The following KRABD5 variants were observed in gnomAD, a reference collection of about 807,000 sequenced individuals.
The protein encoded by KRABD5 is KRAB domain-containing protein 5.
At chr16:31,718,610 C>G in the KRABD5 span, among the ~76,000 whole-genome samples, 3 of 152,184 alleles carry the variant, frequency 2.0e-5, no homozygotes, top group Non-Finnish European at 2.9e-5. Context: ...CTACACCTAC[C>G]TGTGAGCTGT....
At chr16:31,738,496 TTAAC>T in the KRABD5 span, among the ~76,000 whole-genome samples, 1 of 152,156 alleles carries the variant, frequency 6.6e-6, no homozygotes, top group Non-Finnish European at 1.5e-5. Context: ...AACATGTATT[TTAAC>T]TAATATGACA....
At chr16:31,719,459 T>C in the KRABD5 span, among the ~76,000 whole-genome samples, 1 of 152,116 alleles carries the variant, frequency 6.6e-6, no homozygotes, top group Non-Finnish European at 1.5e-5. Context: ...GTTCTTGTGG[T>C]CAAAAATCAG....
At chr16:31,713,300 G>A in the KRABD5 span, 5 of 1,262,198 alleles carry the variant, frequency 4.0e-6, no homozygotes, top group African/African-American at 1.5e-5. Flanking sequence ...TTCACCAGGG[G>A]CTCCCAGTCC....
the KRABD5 span, among the ~76,000 whole-genome samples, chr16:31,725,984 G>A: frequency 6.6e-6 from 1 of 152,056 alleles, no homozygotes; most frequent in African/African-American, 2.4e-5. Flanking sequence ...ATGTAGTCCC[G>A]CTTGTTTTTG....
the KRABD5 span, chr16:31,714,315 T>G: frequency 2.2e-6 from 1 of 455,594 alleles, no homozygotes; most frequent in Non-Finnish European, 4.4e-6. Flanking sequence ...GTTTCCTTCC[T>G]TTCTATAAAA....
At chr16:31,751,243 T>C in the KRABD5 span, among the ~76,000 whole-genome samples, 2 of 152,190 alleles carry the variant, frequency 1.3e-5, no homozygotes, top group Non-Finnish European at 2.9e-5. Context: ...TATTGTCCTG[T>C]AGTTTTATTT....
the KRABD5 span, among the ~76,000 whole-genome samples, chr16:31,723,883 T>C: frequency 6.6e-6 from 1 of 152,136 alleles, no homozygotes; most frequent in East Asian, 1.9e-4. Context: ...TTCATCAGAG[T>C]GCAAAACATC....
the KRABD5 span, chr16:31,757,492 C>T: frequency 6.6e-6 from 1 of 152,082 alleles, no homozygotes; most frequent in Non-Finnish European, 1.5e-5. Context: ...CTGTCATCTA[C>T]CTATAGACAT....
chr16:31,720,730 T>G, the KRABD5 span, among the ~76,000 whole-genome samples: 433 of 152,324 alleles, frequency 2.8e-3, 3 homozygotes, highest in African/African-American at 9.7e-3. Flanking sequence ...CCAGATTCCT[T>G]CACTAGTTAT....
At chr16:31,734,110 AT>A in the KRABD5 span, among the ~76,000 whole-genome samples, 1 of 152,090 alleles carries the variant, frequency 6.6e-6, no homozygotes, top group African/African-American at 2.4e-5. Flanking sequence ...AATTGTACAT[AT>A]TTACGGAGTA....
chr16:31,735,725 T>G, the KRABD5 span, among the ~76,000 whole-genome samples: 1 of 152,212 alleles, frequency 6.6e-6, no homozygotes, highest in Non-Finnish European at 1.5e-5. Context: ...TTCTTTTCAC[T>G]AATGTCTATG....
At chr16:31,740,158 G>A in the KRABD5 span, among the ~76,000 whole-genome samples, 1 of 152,172 alleles carries the variant, frequency 6.6e-6, no homozygotes, top group Non-Finnish European at 1.5e-5. Context: ...ATATTTCTGT[G>A]TGTGTGTCTT....
chr16:31,732,157 C>T, the KRABD5 span, among the ~76,000 whole-genome samples: 144 of 152,306 alleles, frequency 9.5e-4, no homozygotes, highest in African/African-American at 3.3e-3. Flanking sequence ...GCCTACCCTT[C>T]GGTTAAGGAC....
the KRABD5 span, among the ~76,000 whole-genome samples, chr16:31,748,309 G>A: frequency 1.3e-5 from 2 of 152,180 alleles, no homozygotes; most frequent in African/African-American, 2.4e-5. Context: ...GTAGATATGC[G>A]GCATTATTTC....
At chr16:31,728,932 T>C in the KRABD5 span, among the ~76,000 whole-genome samples, 2 of 152,248 alleles carry the variant, frequency 1.3e-5, no homozygotes, top group African/African-American at 4.8e-5. Flanking sequence ...TCTGTTAATG[T>C]ATGCTTTATA....
the KRABD5 span, among the ~76,000 whole-genome samples, chr16:31,736,692 A>G: frequency 1.3e-4 from 19 of 151,308 alleles, no homozygotes. Context: ...TAATTTTTAT[A>G]TTTTTTTGAT....
At chr16:31,723,817 A>G in the KRABD5 span, among the ~76,000 whole-genome samples, 2 of 152,142 alleles carry the variant, frequency 1.3e-5, no homozygotes, top group Non-Finnish European at 2.9e-5. Context: ...TGGTATATTA[A>G]TTTCTAATCC....
chr16:31,743,751 T>C, the KRABD5 span, among the ~76,000 whole-genome samples: 2 of 152,212 alleles, frequency 1.3e-5, no homozygotes, highest in South Asian at 4.1e-4. Flanking sequence ...TTCCTATCCA[T>C]GAGGATGGAA....
At chr16:31,727,182 T>G in the KRABD5 span, among the ~76,000 whole-genome samples, 1 of 152,268 alleles carries the variant, frequency 6.6e-6, no homozygotes, top group Non-Finnish European at 1.5e-5. Flanking sequence ...TTTTGTATAC[T>G]CTTTAGGGTT....
Sources: gnomAD v4.1 joint callset for allele counts (sites outside exome capture counted in the v4.1 genomes callset) on GRCh38, gnomAD v4.1.1 for gene constraint, MANE v1.5 for transcripts, NCBI Gene and HGNC (gene_info 2026-07-23, HGNC 2026-07-21) for gene names.